The following PPFIA2 variants were observed in gnomAD, a reference collection of about 807,000 sequenced individuals.
PPFIA2 encodes the protein PPFI scaffold protein A2, also known as liprin-alpha-2.
In PPFIA2, 46 loss-of-function variants were observed where a neutral mutation model predicts 175.5. The observed-to-expected ratio is 0.26, with a 90% confidence interval of 0.21 to 0.34. The LOEUF is 0.34. Ranked by LOEUF, PPFIA2 falls within the 10% of genes least tolerant of loss-of-function variation. The pLI is 1.00. For missense variants in PPFIA2, 1,179 were observed against 1,506.1 expected, an observed-to-expected ratio of 0.78 and a Z score of 3.60; for synonymous variants, 568 against 511.4, an observed-to-expected ratio of 1.11 and a Z score of -1.49.
At chr12:81,579,954 G>A (rs914094151) in intron 4 of PPFIA2, among the ~76,000 whole-genome samples, 4 of 151,676 alleles carry the variant, frequency 2.6e-5, no homozygotes, top group African/African-American at 9.7e-5. Context: ...TCTGAAGTTC[G>A]AGAATCACTG....
chr12:81,425,913 A>T (rs2047060939), intron 7 of PPFIA2, among the ~76,000 whole-genome samples: 1 of 152,360 alleles, frequency 6.6e-6, no homozygotes, highest in East Asian at 1.9e-4. Context: ...AATTAAAAAA[A>T]TTAAGATGAT....
rs145297981 is a variant in PPFIA2, at chr12:81,724,892, G to A, written c.249+29081C>T. 5.3e-3 allele frequency among the ~76,000 whole-genome samples: 795 copies of A among 151,042 alleles called. 7 individuals are homozygous for A. The highest frequency in any genetic ancestry group is 0.019 in the African/African-American group (767 of 41,364). On this transcript the variant is annotated intron_variant, in intron 3 of 32. Transcript: ENST00000549396. ...ATAGTAGTTCTATTTTTAGTTCTTT[G>A]AGCAATCTCCATACTGTTTCCTACA...
chr12:81,367,418 G>T (rs1164697161), intron 13 of PPFIA2, among the ~76,000 whole-genome samples: 1 of 151,486 alleles, frequency 6.6e-6, no homozygotes, highest in African/African-American at 2.4e-5. Flanking sequence ...AATAAATATT[G>T]CATTTTAAGC....
chr12:81,432,323 C>T (rs2048232130), intron 7 of PPFIA2, among the ~76,000 whole-genome samples: 1 of 152,012 alleles, frequency 6.6e-6, no homozygotes, highest in Non-Finnish European at 1.5e-5. Context: ...GCTGGTCTCA[C>T]ACTCCTGAGT....
intron 4 of PPFIA2, among the ~76,000 whole-genome samples, chr12:81,518,019 A>C (rs1401388891): frequency 6.6e-6 from 1 of 152,060 alleles, no homozygotes; most frequent in Admixed American, 6.6e-5. Flanking sequence ...CAGCACACCA[A>C]CATGGCACAT....
At chr12:81,573,012 T>TGAGA (rs143437420) in intron 4 of PPFIA2, among the ~76,000 whole-genome samples, 5 of 149,496 alleles carry the variant, frequency 3.3e-5, no homozygotes, top group Admixed American at 6.7e-5. Flanking sequence ...GTATTAATAT[T>TGAGA]GAGAGAGAGA....
chr12:81,718,875 G>A lies in PPFIA2; in HGVS notation c.249+35098C>T, dbSNP rs370901576. Among the ~76,000 whole-genome samples the A allele has an allele frequency of 2.0e-5, 3 of 151,516 alleles. No homozygotes were observed. The South Asian group carries it at 6.2e-4, about 31-fold the overall frequency. On this transcript the variant is annotated intron_variant, in intron 3 of 32. Transcript: ENST00000549396. ...CGTTGGCTTGGCATTTATTCTAGCTGTAATTTCAGCACGTTGGGAAAGGGA... is the reference window on the plus strand; with the variant it reads ...CGTTGGCTTGGCATTTATTCTAGCTATAATTTCAGCACGTTGGGAAAGGGA...
intron 24 of PPFIA2, 29 bp from the exon 25 acceptor site, chr12:81,284,332 G>A (rs755434876): frequency 4.0e-6 from 6 of 1,489,608 alleles, no homozygotes; most frequent in Non-Finnish European, 2.8e-6. Flanking sequence ...GGGAAGCAGA[G>A]GAATCCATGG....
At chr12:81,656,851 C>T (rs1317712700) in intron 4 of PPFIA2, among the ~76,000 whole-genome samples, 2 of 151,686 alleles carry the variant, frequency 1.3e-5, no homozygotes, top group African/African-American at 4.8e-5. Flanking sequence ...GATTAAAATA[C>T]CTCTTTGAAA....
intron 4 of PPFIA2, among the ~76,000 whole-genome samples, chr12:81,603,395 C>G (rs546286259): frequency 1.3e-5 from 2 of 151,696 alleles, no homozygotes; most frequent in East Asian, 1.9e-4. Context: ...ACAATAGACA[C>G]GAAGACTGTT....
intron 4 of PPFIA2, among the ~76,000 whole-genome samples, chr12:81,503,989 T>C (rs2060867824): frequency 6.6e-6 from 1 of 152,182 alleles, no homozygotes; most frequent in Admixed American, 6.5e-5. Flanking sequence ...AAACAATATA[T>C]TTAAAATAAG....
At chr12:81,734,501 T>A (rs2081323642) in intron 3 of PPFIA2, among the ~76,000 whole-genome samples, 1 of 151,708 alleles carries the variant, frequency 6.6e-6, no homozygotes, top group South Asian at 2.1e-4. Context: ...TTTTCCAGAT[T>A]AGCATTTTAC....
chr12:81,730,120 C>T (rs2080667623), intron 3 of PPFIA2, among the ~76,000 whole-genome samples: 3 of 151,604 alleles, frequency 2.0e-5, no homozygotes, highest in African/African-American at 2.4e-5. Context: ...TCACGTGTTA[C>T]AGCAGCAAAA....
chr12:81,474,223 C>T (rs2057171824), intron 4 of PPFIA2, among the ~76,000 whole-genome samples: 1 of 152,164 alleles, frequency 6.6e-6, no homozygotes, highest in African/African-American at 2.4e-5. Flanking sequence ...GTGGTGCTCT[C>T]TCGGCTCACT....
chr12:81,677,544 C>A lies in PPFIA2; in HGVS notation c.250-700G>T, dbSNP rs573162070. 2.6e-5 allele frequency among the ~76,000 whole-genome samples: 4 copies of A among 152,018 alleles called. No homozygotes were observed. In the East Asian group the frequency reaches 7.8e-4, roughly 30 times the overall value. Reference sequence around the variant, plus strand: ...GTGGTAACCACCATTCTATTCACTACCTCCATGAGATCATTTTTTTTTATA... The same window carrying A: ...GTGGTAACCACCATTCTATTCACTAACTCCATGAGATCATTTTTTTTTATA... On this transcript the variant is annotated intron_variant, in intron 3 of 32. Coordinates refer to ENST00000549396, the MANE Select transcript of PPFIA2 (RefSeq NM_003625.5).
chr12:81,469,325 A>G (rs1213884354), intron 4 of PPFIA2, among the ~76,000 whole-genome samples: 1 of 152,180 alleles, frequency 6.6e-6, no homozygotes, highest in Non-Finnish European at 1.5e-5. Flanking sequence ...AGCCTGTGAA[A>G]TTTTTCAGAC....
At chr12:81,399,080 G>A (rs1457657599) in intron 8 of PPFIA2, among the ~76,000 whole-genome samples, 1 of 151,798 alleles carries the variant, frequency 6.6e-6, no homozygotes, top group Non-Finnish European at 1.5e-5. Flanking sequence ...AGGAACTTCT[G>A]AATGAAAAAC....
chr12:81,324,754 G>A (rs2054387673), intron 22 of PPFIA2, among the ~76,000 whole-genome samples: 1 of 151,854 alleles, frequency 6.6e-6, no homozygotes, highest in African/African-American at 2.4e-5. Context: ...TTGTATGGTA[G>A]AAATAATTAT....
chr12:81,678,984 C>A (rs1157251705), intron 3 of PPFIA2, among the ~76,000 whole-genome samples: 1 of 151,820 alleles, frequency 6.6e-6, no homozygotes, highest in East Asian at 1.9e-4. Flanking sequence ...TGTTCTTTAG[C>A]ATTCTTATTG....
Sources: gnomAD v4.1 joint callset for allele counts (sites outside exome capture counted in the v4.1 genomes callset) on GRCh38, gnomAD v4.1.1 for gene constraint, MANE v1.5 for transcripts, NCBI Gene and HGNC (gene_info 2026-07-23, HGNC 2026-07-21) for gene names.